The following FHL5 variants were observed in gnomAD, a reference collection of about 807,000 sequenced individuals.
FHL5 encodes four and a half LIM domains protein 5.
A neutral mutation model predicts 32.0 loss-of-function variants in FHL5; 33 were observed. The observed-to-expected ratio is 1.03, with a 90% CI of 0.78 to 1.38. The LOEUF is 1.38. FHL5 is among the 40% of genes most tolerant of loss of function. The pLI, the probability that FHL5 is intolerant of heterozygous loss-of-function variation, is 0.00. For synonymous variants in FHL5, 114 were observed against 113.6 expected (o/e 1.00, Z -0.02); for missense variants, 336 against 343.9 (o/e 0.98, Z 0.18).
At chr6:96,575,291 A>T (rs1770561348) in intron 1 of FHL5, among the ~76,000 whole-genome samples, 1 of 152,172 alleles carries the variant, frequency 6.6e-6, no homozygotes, top group Admixed American at 6.5e-5. Context: ...CCACTTAATC[A>T]TGTATATCTC....
chr6:96,565,580 G>C (rs1770338661), intron 1 of FHL5, among the ~76,000 whole-genome samples: 2 of 151,994 alleles, frequency 1.3e-5, no homozygotes, highest in Non-Finnish European at 2.9e-5. Flanking sequence ...TTTTGCCAAA[G>C]GAATACTCAC....
Position 96,615,729 on chromosome 6 carries a change from T to C in FHL5, c.812T>C (p.Ile271Thr). Residue 271 changes from isoleucine to threonine, a missense_variant, in exon 6 of 6, where the codon ATC (isoleucine) becomes ACC (threonine). Ile to Thr is a moderately conservative substitution (Grantham distance 89, BLOSUM62 -1). Transcript: ENST00000450218. ...GGCTTCCTGACCCAGAACAAGGAAA[T>C]CTTCTGCCAAAAATGTGGCTCCGGA... Reference protein sequence around the residue: ...GKGFLTQNKEIFCQKCGSGMD... With the variant: ...GKGFLTQNKETFCQKCGSGMD... 1 of 1,611,766 alleles carries C rather than the reference T, an allele frequency of 6.2e-7. No individual in the cohort carries two copies. Among genetic ancestry groups the C allele is most frequent in the Non-Finnish European group, 8.5e-7 (1 of 1,178,996 alleles).
At chr6:96,579,906 C>T (rs1354701859) in intron 1 of FHL5, among the ~76,000 whole-genome samples, 1 of 152,166 alleles carries the variant, frequency 6.6e-6, no homozygotes, top group Non-Finnish European at 1.5e-5. Context: ...CAGCCTTCTG[C>T]AGACTCAGTA....
At chr6:96,595,471 T>C (rs1034915175) in intron 1 of FHL5, among the ~76,000 whole-genome samples, 2 of 151,912 alleles carry the variant, frequency 1.3e-5, no homozygotes, top group Non-Finnish European at 2.9e-5. Flanking sequence ...TGCATCTGTA[T>C]ATTAATGTCA....
At chr6:96,609,913 G>C (rs566318275) in intron 4 of FHL5, among the ~76,000 whole-genome samples, 1 of 152,286 alleles carries the variant, frequency 6.6e-6, no homozygotes, top group African/African-American at 2.4e-5. Flanking sequence ...GTATGTAGAG[G>C]TGTTGAGAAT....
intron 1 of FHL5, among the ~76,000 whole-genome samples, chr6:96,568,268 T>C (rs1026118561): frequency 6.6e-6 from 1 of 151,938 alleles, no homozygotes; most frequent in African/African-American, 2.4e-5. Context: ...GTTGATGTAA[T>C]GTATCACATT....
At position 96,615,909 on chromosome 6, in the gene FHL5, T is replaced by C; in HGVS notation, c.*137T>C. ...GAGTGGAAAAGTTTTTGCACACATT[T>C]TGATCGAACTATATTCTAAGCACAC... On this transcript the variant is annotated 3_prime_UTR_variant, in exon 6 of 6. Coordinates refer to ENST00000450218, the MANE Select transcript of FHL5 (RefSeq NM_001322466.2). The C allele has an allele frequency of 1.6e-6, 1 of 631,562 alleles. No individual in the cohort carries two copies. Among genetic ancestry groups the C allele is most frequent in the Non-Finnish European group, 2.6e-6 (1 of 386,416 alleles). The allele number at this position is 631,562 out of a possible 1,614,324, so 39.1% of individuals were successfully genotyped here.
chr6:96,603,511 A>G, intron 1 of FHL5, 91 bp from the exon 2 acceptor site: 1 of 921,192 alleles, frequency 1.1e-6, no homozygotes, highest in Non-Finnish European at 1.7e-6. Flanking sequence ...AGTTCATTCA[A>G]ATGCTTCACT....
chr6:96,612,502 G>A (rs1474734645), intron 5 of FHL5, among the ~76,000 whole-genome samples: 3 of 152,096 alleles, frequency 2.0e-5, no homozygotes, highest in African/African-American at 7.2e-5. Flanking sequence ...TTCAATTCTG[G>A]TATATCACAG....
chr6:96,568,261 G>T (rs1770402903), intron 1 of FHL5, among the ~76,000 whole-genome samples: 1 of 151,698 alleles, frequency 6.6e-6, no homozygotes, highest in South Asian at 2.1e-4. Flanking sequence ...TCATTTTGTT[G>T]ATGTAATGTA....
chr6:96,588,704 G>A (rs538719365), intron 1 of FHL5, among the ~76,000 whole-genome samples: 1 of 151,926 alleles, frequency 6.6e-6, no homozygotes, highest in South Asian at 2.1e-4. Flanking sequence ...TTAAAAACAA[G>A]CTAATGGAAA....
At chr6:96,609,135 C>T (rs1273699402) in intron 4 of FHL5, among the ~76,000 whole-genome samples, 1 of 152,086 alleles carries the variant, frequency 6.6e-6, no homozygotes, top group Non-Finnish European at 1.5e-5. Flanking sequence ...TATCAAATAT[C>T]TTTAATTTCT....
chr6:96,564,522 A>G (rs1770312671), intron 1 of FHL5, among the ~76,000 whole-genome samples: 1 of 152,126 alleles, frequency 6.6e-6, no homozygotes, highest in Non-Finnish European at 1.5e-5. Context: ...TCACTGACAA[A>G]TTTACCTCTT....
At chr6:96,597,254 T>C (rs999916438) in intron 1 of FHL5, among the ~76,000 whole-genome samples, 1 of 151,742 alleles carries the variant, frequency 6.6e-6, no homozygotes, top group Non-Finnish European at 1.5e-5. Flanking sequence ...ACATTATATA[T>C]AATTACTTGT....
chr6:96,569,533 C>G (rs926421879), intron 1 of FHL5, among the ~76,000 whole-genome samples: 1 of 151,932 alleles, frequency 6.6e-6, no homozygotes, highest in Non-Finnish European at 1.5e-5. Flanking sequence ...GTGTTGAAGT[C>G]CCCAGCTATA....
chr6:96,602,812 A>G (rs948035538), intron 1 of FHL5, among the ~76,000 whole-genome samples: 1 of 152,166 alleles, frequency 6.6e-6, no homozygotes. Flanking sequence ...GAAGGAACCC[A>G]TTGTTGTTTT....
intron 1 of FHL5, among the ~76,000 whole-genome samples, chr6:96,584,991 T>C (rs1770770436): frequency 6.6e-6 from 1 of 152,126 alleles, no homozygotes; most frequent in Non-Finnish European, 1.5e-5. Context: ...CAACCCTTTG[T>C]AGAGAATAGA....
chr6:96,591,476 G>C (rs1389168638), intron 1 of FHL5, among the ~76,000 whole-genome samples: 1 of 151,962 alleles, frequency 6.6e-6, no homozygotes, highest in Admixed American at 6.6e-5. Flanking sequence ...ACACTGTTTG[G>C]TATTATTTTA....
chr6:96,573,894 T>C (rs1044685978), intron 1 of FHL5, among the ~76,000 whole-genome samples: 7 of 152,134 alleles, frequency 4.6e-5, no homozygotes, highest in Non-Finnish European at 1.5e-5. Context: ...TTCAATATTT[T>C]TCTTATGTTT....
Sources: allele counts gnomAD v4.1 joint callset (sites outside exome capture counted in the v4.1 genomes callset), GRCh38; gene constraint gnomAD v4.1.1; transcripts MANE v1.5; gene names NCBI Gene and HGNC (gene_info 2026-07-23, HGNC 2026-07-21).